Variants in DOCK9 observed in about 807,000 individuals in gnomAD.
DOCK9 encodes dedicator of cytokinesis 9.
DOCK9 carries 89 observed loss-of-function variants against 263.3 expected under a neutral mutation model. That is an observed-to-expected ratio of 0.34 (90% CI 0.28 to 0.40). DOCK9 has a LOEUF of 0.40. DOCK9 is among the 10% of genes least tolerant of loss of function. The probability of loss-of-function intolerance (pLI) is 1.00; values close to 1 mark genes in which losing one functional copy is unlikely to be tolerated. For synonymous variants in DOCK9, 976 were observed against 973.1 expected (o/e 1.00, Z -0.06); for missense variants, 2,140 against 2,603.4 (o/e 0.82, Z 3.87).
chr13:98,857,782 T>C (rs1271117140), intron 33 of DOCK9: 1 of 152,240 alleles, frequency 6.6e-6, no homozygotes, highest in Admixed American at 6.5e-5. Context: ...TTAAGCCTTA[T>C]TGTCAGCCAG....
intron 1 of DOCK9, chr13:99,015,620 G>A: frequency 6.3e-7 from 1 of 1,579,882 alleles, no homozygotes; most frequent in Non-Finnish European, 8.6e-7. Context: ...CCCAAGGTGT[G>A]GATGTTCAGT....
intron 1 of DOCK9, among the ~76,000 whole-genome samples, chr13:99,062,643 C>T (rs2041241550): frequency 1.3e-5 from 2 of 152,192 alleles, no homozygotes; most frequent in African/African-American, 2.4e-5. Context: ...TATCGCCATC[C>T]GCTGCCTGCT....
chr13:98,937,384 AAG>A (rs2055039293), intron 2 of DOCK9, among the ~76,000 whole-genome samples: 1 of 151,808 alleles, frequency 6.6e-6, no homozygotes, highest in African/African-American at 2.4e-5. Flanking sequence ...GGAAAAGAAA[AAG>A]AAAAAAAGAA....
chr13:98,880,049 T>G, intron 26 of DOCK9, 80 bp from the exon 27 acceptor site: 1 of 1,116,670 alleles, frequency 9.0e-7, no homozygotes, highest in Non-Finnish European at 1.3e-6. Flanking sequence ...GCTGACAATA[T>G]TATTGACATA....
intron 33 of DOCK9, chr13:98,859,353 G>A (rs2093788916): frequency 6.6e-6 from 1 of 152,304 alleles, no homozygotes; most frequent in African/African-American, 2.4e-5. Context: ...CAACTAAGGA[G>A]AGCATAACTG....
At chr13:99,043,332 G>T (rs939978128) in intron 1 of DOCK9, among the ~76,000 whole-genome samples, 7 of 152,190 alleles carry the variant, frequency 4.6e-5, no homozygotes, top group Non-Finnish European at 2.9e-5. Flanking sequence ...CCTGAAGACA[G>T]CCCACTCTCA....
intron 3 of DOCK9, 136 bp downstream of exon 3, chr13:98,930,032 T>C (rs1420445069): frequency 4.0e-6 from 3 of 756,902 alleles, no homozygotes; most frequent in Non-Finnish European, 6.4e-6. Flanking sequence ...AAATTCACAT[T>C]ATTCTATTTG....
Position 99,047,080 on chromosome 13 carries a change from A to T in DOCK9, c.129+39143T>A, listed in dbSNP as rs575907071. On this transcript the variant is annotated intron_variant, in intron 1 of 32. Coordinates refer to the DOCK9 transcript ENST00000427887. ...GACATCTGTGCAATTTTTGGTGGCT[A>T]TGTTGGACTATTCATGGGGGTCAAA... Among the ~76,000 whole-genome samples, 23 of 78,860 alleles carry T rather than the reference A, an allele frequency of 2.9e-4. No individual in the cohort carries two copies. In the East Asian group the frequency reaches 0.023, roughly 79 times the overall value. 51.7% of individuals were successfully genotyped at this position (78,860 alleles called of 152,430 possible).
At chr13:99,063,959 A>G (rs1333735624) in intron 1 of DOCK9, among the ~76,000 whole-genome samples, 2 of 152,114 alleles carry the variant, frequency 1.3e-5, no homozygotes, top group South Asian at 2.1e-4. Flanking sequence ...GAGGCTCAAC[A>G]CTTTCATAGC....
intron 33 of DOCK9, chr13:98,859,753 G>GTGTATATATA (rs780605483): frequency 3.8e-5 from 5 of 132,488 alleles, no homozygotes; most frequent in African/African-American, 1.4e-4. Flanking sequence ...GTGTGTGTGT[G>GTGTATATATA]TATATATATA....
At position 98,886,604 on chromosome 13, in the gene DOCK9, A is replaced by G. The variant is rs1349402772; in HGVS notation, c.2064T>C (p.Gly688=). 6.2e-7 allele frequency: 1 copy of G among 1,613,886 alleles called. No individual in the cohort carries two copies. Among genetic ancestry groups the G allele is most frequent in the South Asian group, 1.1e-5 (1 of 91,052 alleles). ...AGGCGCTTCTTGTGAAAACTGGCCCACCAGGTCTGCCATAAATGCACTAAA... is the reference window on the plus strand; with the variant it reads ...AGGCGCTTCTTGTGAAAACTGGCCCGCCAGGTCTGCCATAAATGCACTAAA... ...QPLKCIYGRP[G]GPVFTRSAFA... Residue 688 remains glycine, a synonymous_variant, in exon 19 of 53, where the codon GGT becomes GGC. Transcript: ENST00000682017.
chr13:99,045,103 C>A (rs1381945631), intron 1 of DOCK9, among the ~76,000 whole-genome samples: 1 of 152,128 alleles, frequency 6.6e-6, no homozygotes, highest in African/African-American at 2.4e-5. Flanking sequence ...TATGGGGGTT[C>A]CTTAAAAGAT....
intron 47 of DOCK9, 127 bp downstream of exon 47, chr13:98,809,225 T>C (rs2091040960): frequency 8.2e-7 from 1 of 1,223,866 alleles, no homozygotes; most frequent in East Asian, 2.5e-5. Flanking sequence ...GACAAATTCA[T>C]CAAATTAGCA....
Position 98,829,799 on chromosome 13 carries a change from T to C in DOCK9, c.4636-43A>G, listed in dbSNP as rs377188681. On this transcript the variant is annotated intron_variant, in intron 41 of 52. Transcript: ENST00000682017. The surrounding 1 kb of genome is among the most constrained non-coding windows in gnomAD (Gnocchi z 4.1). ...ATGAGCAAATCAATTTACCTTCAAATGACTGCCCAGGCTGGGCTTCTGCGT... is the reference window on the plus strand; with the variant it reads ...ATGAGCAAATCAATTTACCTTCAAACGACTGCCCAGGCTGGGCTTCTGCGT... 30 of 1,518,408 alleles carry C rather than the reference T, an allele frequency of 2.0e-5. No homozygotes were observed. Among genetic ancestry groups the C allele is most frequent in the Non-Finnish European group, 2.5e-5 (28 of 1,113,372 alleles). 94.1% of individuals were successfully genotyped at this position (1,518,408 alleles called of 1,614,324 possible). A position where few individuals can be genotyped will look rare whatever the true frequency, so the allele number is the denominator to read the frequency against.
intron 39 of DOCK9, among the ~76,000 whole-genome samples, chr13:98,835,930 G>C (rs1391971443): frequency 6.6e-6 from 1 of 151,876 alleles, no homozygotes; most frequent in Non-Finnish European, 1.5e-5. Context: ...TAGAGATGGG[G>C]TTTCACCATG....
chr13:98,943,173 T>G lies in DOCK9; in HGVS notation c.243+12262A>C, dbSNP rs77741858. Among the ~76,000 whole-genome samples the G allele has an allele frequency of 5.4e-3, 820 of 152,358 alleles. 7 individuals are homozygous for G. The highest frequency in any genetic ancestry group is 9.4e-3 in the Admixed American group (144 of 15,308). ...AGCTCCTGGGCTGCCATCCAGAGCC[T>G]TACTTCAAACACAGCGGAGAGTCAG... On this transcript the variant is annotated intron_variant, in intron 2 of 52. Coordinates refer to ENST00000682017, the MANE Select transcript of DOCK9 (RefSeq NM_001366683.2).
At chr13:98,905,124 G>A (rs1454230425) in intron 9 of DOCK9, among the ~76,000 whole-genome samples, 1 of 152,220 alleles carries the variant, frequency 6.6e-6, no homozygotes, top group Non-Finnish European at 1.5e-5. Flanking sequence ...CCAGATGATA[G>A]ACAGGATTTA....
intron 27 of DOCK9, among the ~76,000 whole-genome samples, chr13:98,870,268 C>A (rs898421910): frequency 6.6e-6 from 1 of 152,140 alleles, no homozygotes; most frequent in Non-Finnish European, 1.5e-5. Flanking sequence ...ATGTTTATAA[C>A]CTTACATAGA....
chr13:98,853,516 G>T lies in DOCK9; in HGVS notation c.3838C>A (p.Gln1280Lys). Reference protein sequence around the residue: ...EKSNSLDKHQQSSTLGNSVVR... With the variant: ...EKSNSLDKHQKSSTLGNSVVR... ...ACGGAATTTCCCAATGTGCTACTTT[G>T]TTGGTGCTAAAAAGAAAATACAGGT... The change falls in exon 35 of 53, where the codon CAA (glutamine) becomes AAA (lysine). Residue 1280 changes from glutamine to lysine, a missense_variant. Around this residue, in one of 2 missense-constraint regions of DOCK9, gnomAD observed 1,521 missense variants for 1,741.7 expected, o/e 0.87. Transcript: ENST00000682017. 6.2e-7 allele frequency: 1 copy of T among 1,610,790 alleles called. No individual in the cohort carries two copies. The highest frequency in any genetic ancestry group is 8.5e-7 in the Non-Finnish European group (1 of 1,178,350).
Sources: allele counts gnomAD v4.1 joint callset (sites outside exome capture counted in the v4.1 genomes callset), GRCh38; gene constraint gnomAD v4.1.1; regional missense constraint gnomAD v4.1.1; non-coding constraint Gnocchi (gnomAD v3.1); transcripts MANE v1.5; gene names NCBI Gene and HGNC (gene_info 2026-07-23, HGNC 2026-07-21).